COL6A2: variants seen among roughly 807,000 people sequenced by gnomAD.
The protein encoded by COL6A2 is collagen alpha-2(VI) chain.
Under a neutral mutation model 124.9 loss-of-function variants are expected in COL6A2, and 90 were observed. That is an observed-to-expected ratio of 0.72 (90% CI 0.61 to 0.86). The LOEUF is 0.86. Among genes scored for constraint, COL6A2 ranks in the 40% least tolerant of loss-of-function variants. The pLI is 0.00. For missense variants in COL6A2, 1,607 were observed against 1,502.5 expected (o/e 1.07, Z -1.15); for synonymous variants, 793 against 618.2 (o/e 1.28, Z -4.19).
rs1230662669 is a variant in COL6A2 at position 46,126,539 on chromosome 21, C to G, written c.2459C>G (p.Thr820Arg). ...GTGTGCCCAGACCTTCCCTGCCAAA[C>G]AGGTAATGCAGGGCACCCTGAGCCA... ...QIVCPDLPCQTELSVAQCTQR... is the reference protein window; with the variant it reads ...QIVCPDLPCQRELSVAQCTQR... The change falls in exon 27 of 28, where the codon ACA (threonine) becomes AGA (arginine). Residue 820 changes from threonine to arginine, a missense_variant and splice_region_variant. Around this residue, in one of 3 missense-constraint regions of COL6A2, gnomAD observed 1,223 missense variants for 1,052.2 expected, o/e 1.16. Transcript: ENST00000300527. The G allele has an allele frequency of 6.2e-7, 1 of 1,613,398 alleles. No homozygotes were observed. Among genetic ancestry groups the G allele is most frequent in the African/African-American group, 1.3e-5 (1 of 74,912 alleles).
At position 46,118,746 on chromosome 21, in the gene COL6A2, C is replaced by CA. The variant is rs1273370516; in HGVS notation, c.1179+71dup. On this transcript the variant is annotated intron_variant, in intron 13 of 27. Coordinates refer to ENST00000300527, the MANE Select transcript of COL6A2 (RefSeq NM_001849.4). The stretch of plus-strand genomic sequence containing the variant: ...CACGCCCATGGCCCAGATGAACAGT[C>CA]ACGCTGGCCACCATCTCTGCTGTCA... 10 of 1,508,170 alleles carry CA rather than the reference C, an allele frequency of 6.6e-6. No individual in the cohort carries two copies. The South Asian group carries it at 1.1e-4, about 16-fold the overall frequency. The allele number at this position is 1,508,170 out of a possible 1,614,324, so 93.4% of individuals were successfully genotyped here. A position where few individuals can be genotyped will look rare whatever the true frequency, so the allele number is the denominator to read the frequency against.
chr21:46,126,251 C>T lies in COL6A2; in HGVS notation c.2422+14C>T, dbSNP rs766949260. 10 of 1,597,066 alleles carry T rather than the reference C, an allele frequency of 6.3e-6. No individual in the cohort carries two copies. The highest frequency in any genetic ancestry group is 2.7e-5 in the African/African-American group (2 of 74,834). ...TCCTCTGCCCGGGTGAGCGTGTGGG[C>T]GCGGGGCAGTCGGCCGAGGAGCAGC... On this transcript the variant is annotated intron_variant, in intron 26 of 27. Transcript: ENST00000300527.
At position 46,118,507 on chromosome 21, in the gene COL6A2, G is replaced by A. The variant is rs1451080175; in HGVS notation, c.1117-107G>A. On this transcript the variant is annotated intron_variant, in intron 12 of 27. Transcript: ENST00000300527. ...ATCCCAGGTGCCCCGTGGACATCAGGGAGGTGCAGTCCCAAGCCCGACCGT... is the reference window on the plus strand; with the variant it reads ...ATCCCAGGTGCCCCGTGGACATCAGAGAGGTGCAGTCCCAAGCCCGACCGT... 4 of 1,035,166 alleles carry A rather than the reference G, an allele frequency of 3.9e-6. No individual in the cohort carries two copies. In the African/African-American group the frequency reaches 4.7e-5, roughly 12 times the overall value. 64.1% of individuals were successfully genotyped at this position (1,035,166 alleles called of 1,614,324 possible).
chr21:46,127,322 T>G (rs1296237696), intron 27 of COL6A2, among the ~76,000 whole-genome samples: 1 of 151,928 alleles, frequency 6.6e-6, no homozygotes, highest in Non-Finnish European at 1.5e-5. Flanking sequence ...AGCACGCGGG[T>G]CGCGGTGTGC....
chr21:46,119,624 C>T (rs2078528934), intron 14 of COL6A2, among the ~76,000 whole-genome samples, 164 bp from the exon 15 acceptor site: 1 of 152,220 alleles, frequency 6.6e-6, no homozygotes, highest in Admixed American at 6.5e-5. Context: ...GCCACTGGCG[C>T]AGGCTGAGGC....
In COL6A2 at chr21:46,120,512, CA is replaced by C; in HGVS notation, c.1333-2del. 1 of 1,509,880 alleles carries C rather than the reference CA, an allele frequency of 6.6e-7. No individual in the cohort carries two copies. Among genetic ancestry groups the C allele is most frequent in the Non-Finnish European group, 8.8e-7 (1 of 1,131,590 alleles). The allele number at this position is 1,509,880 out of a possible 1,614,324, so 93.5% of individuals were successfully genotyped here. On this transcript the variant is annotated splice_acceptor_variant, in intron 15 of 27. Transcript: ENST00000300527. LOFTEE classifies it high-confidence loss of function. The stretch of plus-strand genomic sequence containing the variant: ...CCGTGGGGCCTCCCTTCCCTTCCCA[CA>C]GGGGGACCCTGGCCCTGAGGGGCCC...
At chr21:46,130,054 CG>C (rs1425458559) in intron 27 of COL6A2, among the ~76,000 whole-genome samples, 5 of 152,152 alleles carry the variant, frequency 3.3e-5, no homozygotes, top group Non-Finnish European at 5.9e-5. Flanking sequence ...CATGGTGACT[CG>C]TGGGCGCTCA....
rs904888536 is a variant in COL6A2 at position 46,124,206 on chromosome 21, GTGGCTGGGTGGA to G, written c.1672-441_1672-430del. Among the ~76,000 whole-genome samples the G allele has an allele frequency of 6.7e-5, 10 of 150,094 alleles. No homozygotes were observed. The East Asian group carries it at 1.9e-3, about 28-fold the overall frequency. ...GGTGGATGAATGGATGGGTTAGTGGGTGGCTGGGTGGATGGATGATGGATGGGTGACTGGGTG... is the reference window on the plus strand; with the variant it reads ...GGTGGATGAATGGATGGGTTAGTGGGTGGATGATGGATGGGTGACTGGGTG... On this transcript the variant is annotated intron_variant, in intron 21 of 27. Transcript: ENST00000300527.
chr21:46,099,364 G>A (rs983860032), intron 1 of COL6A2, among the ~76,000 whole-genome samples: 5 of 149,974 alleles, frequency 3.3e-5, no homozygotes, highest in Non-Finnish European at 5.9e-5. Flanking sequence ...GCTGAGGCAG[G>A]AGAAAATCAC....
chr21:46,132,093 G>A lies in COL6A2; in HGVS notation c.2601G>A (p.Arg867=). 1 of 1,595,724 alleles carries A rather than the reference G, an allele frequency of 6.3e-7. No homozygotes were observed. The highest frequency in any genetic ancestry group is 1.3e-5 in the African/African-American group (1 of 74,608). The part of the protein sequence containing the change: ...EQVARRLTLA[R]RDDDPLNARV... ...TGGCGCGGCGGCTGACGCTGGCCCGGAGGGACGACGACCCTCTCAACGCAC... is the reference window on the plus strand; with the variant it reads ...TGGCGCGGCGGCTGACGCTGGCCCGAAGGGACGACGACCCTCTCAACGCAC... Residue 867 remains arginine (R), a synonymous_variant, in exon 28 of 28, where the codon CGG becomes CGA. Transcript: ENST00000300527.
At chr21:46,128,718 A>AGAGGCCAGGTCTGCTCAGGG (rs1030184802) in intron 27 of COL6A2, among the ~76,000 whole-genome samples, 3 of 152,244 alleles carry the variant, frequency 2.0e-5, no homozygotes, top group African/African-American at 7.2e-5. Context: ...GAGACGTTGC[A>AGAGGCCAGGTCTGCTCAGGG]GAGGCCAGGT....
intron 5 of COL6A2, among the ~76,000 whole-genome samples, chr21:46,114,349 T>C (rs971251800): frequency 6.7e-6 from 1 of 149,344 alleles, no homozygotes; most frequent in Non-Finnish European, 1.5e-5. Context: ...CGCTTGAACC[T>C]GGGAAGCGGA....
intron 4 of COL6A2, 62 bp downstream of exon 4, chr21:46,112,886 G>C: frequency 1.2e-6 from 2 of 1,607,940 alleles, no homozygotes; most frequent in South Asian, 1.1e-5. Flanking sequence ...AGATGACCGC[G>C]CCAGGCTGCC....
chr21:46,119,045 A>G lies in COL6A2; in HGVS notation c.1195A>G (p.Ser399Gly). 1 of 1,612,052 alleles carries G rather than the reference A, an allele frequency of 6.2e-7. No homozygotes were observed. Among genetic ancestry groups the G allele is most frequent in the East Asian group, 2.2e-5 (1 of 44,798 alleles). The stretch of plus-strand genomic sequence containing the variant: ...CCTTCTTCAGGGGTATCAAGGCAAC[A>G]GTGGAGCCCCAGGAAGTCCTGGTGT... Reference protein sequence around the residue: ...AKGSKGYQGNSGAPGSPGVKG... With the variant: ...AKGSKGYQGNGGAPGSPGVKG... The change falls in exon 14 of 28, where the codon AGT (serine) becomes GGT (glycine). Residue 399 changes from serine (S) to glycine (G), a missense_variant. Ser to Gly is a moderately conservative substitution (Grantham distance 56, BLOSUM62 0). Coordinates refer to ENST00000300527, the MANE Select transcript of COL6A2 (RefSeq NM_001849.4).
At chr21:46,120,665 G>A (rs1042798215) in intron 16 of COL6A2, 88 bp downstream of exon 16, 11 of 1,261,570 alleles carry the variant, frequency 8.7e-6, no homozygotes, top group African/African-American at 7.7e-5. Context: ...GGCCGGGACT[G>A]CACCCCAAGG....
At chr21:46,117,164 G>C (rs943810558) in intron 10 of COL6A2, among the ~76,000 whole-genome samples, 1 of 152,364 alleles carries the variant, frequency 6.6e-6, no homozygotes, top group Middle Eastern at 3.4e-3. Context: ...TGCCCAGGGA[G>C]CTCTGCCCTC....
chr21:46,124,946 G>C (rs372398719), intron 23 of COL6A2, 26 bp downstream of exon 23: 1 of 1,612,784 alleles, frequency 6.2e-7, no homozygotes, highest in Non-Finnish European at 8.5e-7. Context: ...GGCAGAACCA[G>C]TGTCCTTCTC....
At chr21:46,125,046 C>T in intron 23 of COL6A2, 126 bp downstream of exon 23, 1 of 1,289,138 alleles carries the variant, frequency 7.8e-7, no homozygotes, top group South Asian at 1.2e-5. Flanking sequence ...GGTCAGAGGG[C>T]AAGGTCAGAG....
chr21:46,111,486 G>C lies in COL6A2; in HGVS notation c.10G>C (p.Gly4Arg). 2 of 1,611,578 alleles carry C rather than the reference G, an allele frequency of 1.2e-6. No homozygotes were observed. The highest frequency in any genetic ancestry group is 1.7e-6 in the Non-Finnish European group (2 of 1,178,822). Residue 4 changes from glycine (G) to arginine (R), a missense_variant, in exon 2 of 28, where the codon GGC becomes CGC. Physicochemically the swap from Gly to Arg is moderately radical, Grantham distance 125. This residue lies in a region of COL6A2 where 342 missense variants were observed against 381.5 expected (regional missense o/e 0.90). Coordinates refer to ENST00000300527, the MANE Select transcript of COL6A2 (RefSeq NM_001849.4). MLQ[G>R]TCSVLLLWGI... ...CACAGGTGCTGCCAAGATGCTCCAG[G>C]GCACCTGCTCCGTGCTCCTGCTCTG...
Sources: allele counts gnomAD v4.1 joint callset (sites outside exome capture counted in the v4.1 genomes callset), GRCh38; gene constraint gnomAD v4.1.1; regional missense constraint gnomAD v4.1.1; transcripts MANE v1.5; gene names NCBI Gene and HGNC (gene_info 2026-07-23, HGNC 2026-07-21).